The following HHAT variants were observed in gnomAD, a reference collection of about 807,000 sequenced individuals.
HHAT encodes the protein hedgehog acyltransferase.
In HHAT, 47 loss-of-function variants were observed where a neutral mutation model predicts 70.8. The observed-to-expected ratio is 0.66, with a 90% CI of 0.53 to 0.85. The LOEUF is 0.85. Among genes scored for constraint, HHAT ranks in the 40% least tolerant of loss-of-function variants. The pLI is 0.00. For synonymous variants in HHAT, 228 were observed against 247.6 expected (o/e 0.92, Z 0.74); for missense variants, 609 against 604.8 (o/e 1.01, Z -0.07).
chr1:210,564,810 TGGGGAGGGGA>T (rs1206326803), intron 9 of HHAT, among the ~76,000 whole-genome samples: 2 of 117,134 alleles, frequency 1.7e-5, no homozygotes, highest in South Asian at 5.8e-4. Flanking sequence ...GCTGATGGAA[TGGGGAGGGGA>T]GGGGAGGGGC....
At chr1:210,591,740 A>G (rs1661752135) in intron 10 of HHAT, among the ~76,000 whole-genome samples, 1 of 152,130 alleles carries the variant, frequency 6.6e-6, no homozygotes, top group African/African-American at 2.4e-5. Context: ...AACTGGGGAC[A>G]GATAATATCT....
At chr1:210,504,620 A>G (rs140784295) in intron 8 of HHAT, among the ~76,000 whole-genome samples, 1 of 152,318 alleles carries the variant, frequency 6.6e-6, no homozygotes, top group Non-Finnish European at 1.5e-5. Context: ...TGAAATGCCC[A>G]GATCTCAAGC....
intron 9 of HHAT, among the ~76,000 whole-genome samples, chr1:210,542,714 A>T (rs10863843): frequency 0.26 from 39,142 of 151,866 alleles, 5,308 homozygotes; most frequent in Middle Eastern, 0.34. Context: ...GTGGGAGGAT[A>T]GCTTGAGCCC....
intron 7 of HHAT, among the ~76,000 whole-genome samples, chr1:210,430,703 T>C (rs1045865982): frequency 6.6e-6 from 1 of 151,934 alleles, no homozygotes; most frequent in African/African-American, 2.4e-5. Context: ...GGAGGTATAC[T>C]GAGTGCTCTG....
chr1:210,453,199 C>G (rs1198276129), intron 7 of HHAT, among the ~76,000 whole-genome samples: 1 of 152,104 alleles, frequency 6.6e-6, no homozygotes, highest in African/African-American at 2.4e-5. Context: ...GCATAAGATT[C>G]CTTTCTTTTT....
At chr1:210,406,300 T>C (rs891895247) in intron 6 of HHAT, among the ~76,000 whole-genome samples, 1 of 152,206 alleles carries the variant, frequency 6.6e-6, no homozygotes, top group Non-Finnish European at 1.5e-5. Flanking sequence ...AAACAGATTA[T>C]TTTCCTAACT....
chr1:210,480,311 C>G (rs555354073), intron 8 of HHAT, among the ~76,000 whole-genome samples: 5 of 152,284 alleles, frequency 3.3e-5, no homozygotes, highest in South Asian at 2.1e-4. Flanking sequence ...GTTGAGCCAG[C>G]AATTAACCCA....
At chr1:210,617,842 T>C (rs557375771) in intron 10 of HHAT, among the ~76,000 whole-genome samples, 1 of 152,330 alleles carries the variant, frequency 6.6e-6, no homozygotes, top group African/African-American at 2.4e-5. Context: ...TGTTTGAAGC[T>C]CTGTACACTT....
chr1:210,454,271 C>T (rs898124253), intron 7 of HHAT, among the ~76,000 whole-genome samples: 7 of 152,142 alleles, frequency 4.6e-5, no homozygotes, highest in African/African-American at 1.7e-4. Context: ...AAGCTCCCTT[C>T]GGCCGGGCAC....
chr1:210,592,218 GAGAT>G (rs1661882154), intron 10 of HHAT, among the ~76,000 whole-genome samples: 1 of 151,976 alleles, frequency 6.6e-6, no homozygotes, highest in Non-Finnish European at 1.5e-5. Context: ...AATATGGTGA[GAGAT>G]AGGGGTCTAG....
chr1:210,381,455 A>G (rs1201385946), intron 3 of HHAT, among the ~76,000 whole-genome samples: 1 of 151,952 alleles, frequency 6.6e-6, no homozygotes, highest in African/African-American at 2.4e-5. Flanking sequence ...TAATATTTGT[A>G]TTTTTAGTAG....
At chr1:210,420,686 A>C (rs76666650) in intron 7 of HHAT, among the ~76,000 whole-genome samples, 11 of 150,448 alleles carry the variant, frequency 7.3e-5, no homozygotes, top group African/African-American at 1.5e-4. Context: ...AAAAAAAAAA[A>C]CAAAGAAATA....
At chr1:210,340,720 CAGAG>C (rs772287536) in intron 1 of HHAT, among the ~76,000 whole-genome samples, 1 of 152,080 alleles carries the variant, frequency 6.6e-6, no homozygotes, top group South Asian at 2.1e-4. Flanking sequence ...ATTTTTTTAT[CAGAG>C]AGTGTCTAAC....
At chr1:210,344,340 G>A (rs865824291) in intron 1 of HHAT, among the ~76,000 whole-genome samples, 5 of 152,236 alleles carry the variant, frequency 3.3e-5, no homozygotes, top group South Asian at 2.1e-4. Flanking sequence ...AGTTTCTGCT[G>A]GGGCCACTGT....
At chr1:210,585,424 T>C (rs1294707965) in intron 9 of HHAT, among the ~76,000 whole-genome samples, 1 of 152,114 alleles carries the variant, frequency 6.6e-6, no homozygotes, top group Non-Finnish European at 1.5e-5. Context: ...ACTGGACTCT[T>C]TTTTTTGAGA....
At chr1:210,585,927 G>T (rs369727232) in intron 9 of HHAT, among the ~76,000 whole-genome samples, 8 of 152,114 alleles carry the variant, frequency 5.3e-5, no homozygotes, top group African/African-American at 1.9e-4. Flanking sequence ...GATGGAGCAT[G>T]ATCAGATATT....
At chr1:210,449,892 C>T (rs7526506) in intron 7 of HHAT, among the ~76,000 whole-genome samples, 3 of 152,022 alleles carry the variant, frequency 2.0e-5, no homozygotes, top group East Asian at 1.9e-4. Context: ...GGTGCTGTGT[C>T]GGGCCACAGG....
intron 1 of HHAT, among the ~76,000 whole-genome samples, chr1:210,338,185 A>C (rs556079188): frequency 1.3e-3 from 38 of 29,014 alleles, no homozygotes; most frequent in African/African-American, 5.7e-3. Context: ...GCCCCCATTT[A>C]AAAAAAAAAA....
At chr1:210,578,840 C>G (rs986273397) in intron 9 of HHAT, among the ~76,000 whole-genome samples, 1 of 152,144 alleles carries the variant, frequency 6.6e-6, no homozygotes, top group African/African-American at 2.4e-5. Context: ...TAAAAATAGT[C>G]AAACTCCACA....
Sources: allele counts gnomAD v4.1 joint callset (sites outside exome capture counted in the v4.1 genomes callset), GRCh38; gene constraint gnomAD v4.1.1; transcripts MANE v1.5; gene names NCBI Gene and HGNC (gene_info 2026-07-23, HGNC 2026-07-21).